ZW10: variants seen among roughly 807,000 people sequenced by gnomAD.
ZW10 encodes centromere/kinetochore protein zw10 homolog.
ZW10 carries 53 observed loss-of-function variants against 87.8 expected under a neutral mutation model. The observed-to-expected ratio is 0.60, with a 90% CI of 0.48 to 0.76. ZW10 has a LOEUF of 0.76. Among genes scored for constraint, ZW10 ranks in the 30% least tolerant of loss-of-function variants. The pLI is 0.00. For synonymous variants in ZW10, 312 were observed against 329.2 expected, an observed-to-expected ratio of 0.95 and a Z score of 0.57; for missense variants, 837 against 923.0, an observed-to-expected ratio of 0.91 and a Z score of 1.21.
rs770034081 is a variant in ZW10 at position 113,760,324 on chromosome 11, A to G, written c.465T>C (p.Asp155=). Residue 155 remains aspartate, a synonymous_variant, in exon 5 of 16, where the codon GAT becomes GAC. Coordinates refer to ENST00000200135, the MANE Select transcript of ZW10 (RefSeq NM_004724.4). ...LKLLKSRKCF[D]LKILKSLSME... ...TGCTGAGAGATTTCAATATTTTTAAATCAAAGCATTTTCTGGATTTTAATA... is the reference window on the plus strand; with the variant it reads ...TGCTGAGAGATTTCAATATTTTTAAGTCAAAGCATTTTCTGGATTTTAATA... 1.9e-6 allele frequency: 3 copies of G among 1,614,038 alleles called. No homozygotes were observed. Among genetic ancestry groups the G allele is most frequent in the Non-Finnish European group, 2.5e-6 (3 of 1,180,012 alleles).
chr11:113,734,063 T>C (rs1243832595), intron 15 of ZW10, among the ~76,000 whole-genome samples: 1 of 152,240 alleles, frequency 6.6e-6, no homozygotes, highest in African/African-American at 2.4e-5. Flanking sequence ...TTCTCCCTTA[T>C]TCTATACCAA....
rs149474092 is a variant in ZW10, at chr11:113,760,351, C to T, written c.438G>A (p.Lys146=). The T allele has an allele frequency of 5.8e-5, 93 of 1,613,856 alleles. No homozygotes were observed. In the African/African-American group the frequency reaches 1.2e-3, roughly 20 times the overall value. The part of the protein sequence containing the change: ...QRLEEAQKCL[K]LLKSRKCFDL... Reference sequence around the variant, plus strand: ...CAAAGCATTTTCTGGATTTTAATAACTTCAAGCATTTCTGTGCCTGGTAAC... The same window carrying T: ...CAAAGCATTTTCTGGATTTTAATAATTTCAAGCATTTCTGTGCCTGGTAAC... Residue 146 remains lysine (K), a synonymous_variant, in exon 5 of 16, where the codon AAG becomes AAA. Coordinates refer to ENST00000200135, the MANE Select transcript of ZW10 (RefSeq NM_004724.4).
At chr11:113,756,083 G>A (rs1440476741) in intron 7 of ZW10, among the ~76,000 whole-genome samples, 1 of 152,150 alleles carries the variant, frequency 6.6e-6, no homozygotes, top group African/African-American at 2.4e-5. Context: ...TCTGAGGTAT[G>A]CTAGTAGTCC....
chr11:113,739,989 A>G (rs777012453), intron 11 of ZW10, among the ~76,000 whole-genome samples: 2 of 152,212 alleles, frequency 1.3e-5, no homozygotes, highest in Non-Finnish European at 2.9e-5. Context: ...TTCTACACGT[A>G]TTAGTCTTAT....
chr11:113,752,669 G>A (rs896906826), intron 7 of ZW10, among the ~76,000 whole-genome samples: 3 of 152,168 alleles, frequency 2.0e-5, no homozygotes, highest in Non-Finnish European at 4.4e-5. Flanking sequence ...AACAAATGTT[G>A]TGTGTGTTCT....
rs181083975 is a variant in ZW10, at chr11:113,757,890, A to G, written c.734-37T>C. 1.0e-5 allele frequency: 16 copies of G among 1,535,078 alleles called. No homozygotes were observed. The East Asian group carries it at 2.5e-4, about 24-fold the overall frequency. On this transcript the variant is annotated intron_variant, in intron 6 of 15. Transcript: ENST00000200135. ...TATGAACATTCATCAAAAAATCACCATAAGACACTTCTAGGCCAGGCACAG... is the reference window on the plus strand; with the variant it reads ...TATGAACATTCATCAAAAAATCACCGTAAGACACTTCTAGGCCAGGCACAG...
At chr11:113,754,175 A>T (rs536041829) in intron 7 of ZW10, among the ~76,000 whole-genome samples, 34 of 152,302 alleles carry the variant, frequency 2.2e-4, no homozygotes, top group Non-Finnish European at 4.4e-4. Flanking sequence ...AACCATGTTC[A>T]TCAACCGTTC....
rs1165186108 is a variant in ZW10 at position 113,757,765 on chromosome 11, A to G, written c.822T>C (p.Ile274=). Reference sequence around the variant, plus strand: ...TAGTCATTATAGATTCAAAACGAATAATAACTATGTTAGGCTGGCTTTCTA... The same window carrying G: ...TAGTCATTATAGATTCAAAACGAATGATAACTATGTTAGGCTGGCTTTCTA... ...AVIESQPNIV[I]IRFESIMTNL... is the part of the protein sequence containing the mutation. The change falls in exon 7 of 16, where the codon ATT becomes ATC. Residue 274 remains isoleucine, a synonymous_variant. Coordinates refer to ENST00000200135, the MANE Select transcript of ZW10 (RefSeq NM_004724.4). 6.2e-7 allele frequency: 1 copy of G among 1,613,976 alleles called. No individual in the cohort carries two copies. Among genetic ancestry groups the G allele is most frequent in the Admixed American group, 1.7e-5 (1 of 60,022 alleles).
chr11:113,733,589 TG>T lies in ZW10; in HGVS notation c.*104del. The T allele has an allele frequency of 6.6e-7, 1 of 1,505,876 alleles. No individual in the cohort carries two copies. The highest frequency in any genetic ancestry group is 9.1e-7 in the Non-Finnish European group (1 of 1,095,774). 93.3% of individuals were successfully genotyped at this position (1,505,876 alleles called of 1,614,324 possible). On this transcript the variant is annotated 3_prime_UTR_variant, in exon 16 of 16. Coordinates refer to ENST00000200135, the MANE Select transcript of ZW10 (RefSeq NM_004724.4). ...GTAAAGTCAAACTTCCAAGATGTAC[TG>T]GTTCACCAAAACCAATGGGCGATTC...
At chr11:113,764,962 T>A (rs1278348690) in intron 2 of ZW10, among the ~76,000 whole-genome samples, 2 of 152,346 alleles carry the variant, frequency 1.3e-5, no homozygotes, top group Admixed American at 6.5e-5. Flanking sequence ...CAGTGGTTTT[T>A]AACAGGAAGT....
At chr11:113,741,489 A>G (rs1953618202) in intron 11 of ZW10, among the ~76,000 whole-genome samples, 1 of 152,266 alleles carries the variant, frequency 6.6e-6, no homozygotes, top group Non-Finnish European at 1.5e-5. Flanking sequence ...CATGAACTAC[A>G]CTGCAAGATT....
Position 113,733,586 on chromosome 11 carries a change from T to C in ZW10, c.*108A>G. 6.8e-7 allele frequency: 1 copy of C among 1,480,398 alleles called. No individual in the cohort carries two copies. Among genetic ancestry groups the C allele is most frequent in the Non-Finnish European group, 9.3e-7 (1 of 1,073,340 alleles). 91.7% of individuals were successfully genotyped at this position (1,480,398 alleles called of 1,614,324 possible). ...TCTGTAAAGTCAAACTTCCAAGATG[T>C]ACTGGTTCACCAAAACCAATGGGCG... On this transcript the variant is annotated 3_prime_UTR_variant, in exon 16 of 16. Coordinates refer to ENST00000200135, the MANE Select transcript of ZW10 (RefSeq NM_004724.4).
chr11:113,746,537 A>ATGGAGCT (rs1335956287), intron 9 of ZW10, among the ~76,000 whole-genome samples: 1 of 150,810 alleles, frequency 6.6e-6, no homozygotes, highest in African/African-American at 2.4e-5. Flanking sequence ...CTCTACCCTC[A>ATGGAGCT]TGGAGCTTAC....
At chr11:113,734,811 A>AG (rs34390491) in intron 15 of ZW10, among the ~76,000 whole-genome samples, 17,184 of 151,788 alleles carry the variant, frequency 0.11, 1,627 homozygotes, top group African/African-American at 0.26. Flanking sequence ...TCTCAAAAAA[A>AG]AAAAGGAATA....
At chr11:113,746,495 C>CAAAAAAAAAAAAAAAAAAACA (rs1953677667) in intron 9 of ZW10, among the ~76,000 whole-genome samples, 1 of 105,342 alleles carries the variant, frequency 9.5e-6, no homozygotes, top group African/African-American at 3.9e-5. Flanking sequence ...ACAAAACAGT[C>CAAAAAAAAAAAAAAAAAAACA]AAAAAAAAAA....
intron 10 of ZW10, among the ~76,000 whole-genome samples, chr11:113,742,884 G>A (rs924506887): frequency 3.9e-5 from 6 of 152,186 alleles, no homozygotes; most frequent in African/African-American, 9.6e-5. Context: ...GTTATCTCAC[G>A]ATAAAAATTG....
chr11:113,760,427 A>G, intron 4 of ZW10, 59 bp from the exon 5 acceptor site: 3 of 1,601,418 alleles, frequency 1.9e-6, no homozygotes, highest in South Asian at 1.1e-5. Context: ...CAATTAGAAT[A>G]TATTTGCATA....
At chr11:113,757,878 C>T (rs1161272462) in intron 6 of ZW10, 25 bp from the exon 7 acceptor site, 1 of 1,558,074 alleles carries the variant, frequency 6.4e-7, no homozygotes, top group Non-Finnish European at 8.7e-7. Flanking sequence ...GAACATTCAT[C>T]AAAAAATCAC....
chr11:113,753,342 G>A (rs961015922), intron 7 of ZW10, among the ~76,000 whole-genome samples: 4 of 152,192 alleles, frequency 2.6e-5, no homozygotes, highest in African/African-American at 9.6e-5. Flanking sequence ...TATTAAAAGT[G>A]TATTAGTGAA....
Sources: allele counts gnomAD v4.1 joint callset (sites outside exome capture counted in the v4.1 genomes callset), GRCh38; gene constraint gnomAD v4.1.1; transcripts MANE v1.5; gene names NCBI Gene and HGNC (gene_info 2026-07-23, HGNC 2026-07-21).